PTPRD: variants seen among roughly 807,000 people sequenced by gnomAD.
PTPRD encodes the protein protein tyrosine phosphatase receptor type D, also known as receptor-type tyrosine-protein phosphatase delta.
PTPRD carries 34 observed loss-of-function variants against 214.5 expected under a neutral mutation model. That is an observed-to-expected ratio of 0.16 (90% confidence interval 0.12 to 0.21). PTPRD has a LOEUF of 0.21. PTPRD is among the 10% of genes least tolerant of loss of function. PTPRD has a pLI of 1.00. For missense variants in PTPRD, 2,545 were observed against 2,398.7 expected, an observed-to-expected ratio of 1.06 and a Z score of -1.27; for synonymous variants, 1,128 against 845.7, an observed-to-expected ratio of 1.33 and a Z score of -5.79.
At chr9:10,544,380 G>A (rs910701371) in intron 2 of PTPRD, among the ~76,000 whole-genome samples, 4 of 151,964 alleles carry the variant, frequency 2.6e-5, no homozygotes, top group African/African-American at 7.2e-5. Context: ...ACAGCTTATC[G>A]GCATACTACT....
At chr9:8,690,409 C>T (rs1308271941) in intron 12 of PTPRD, among the ~76,000 whole-genome samples, 1 of 151,694 alleles carries the variant, frequency 6.6e-6, no homozygotes, top group Non-Finnish European at 1.5e-5. Flanking sequence ...TGCCTGTAGT[C>T]CCAGCTACTT....
At position 8,485,241 on chromosome 9, in the gene PTPRD, C is replaced by T. The variant is rs1168709750; in HGVS notation, c.3139G>A (p.Ala1047Thr). 9 of 1,613,586 alleles carry T rather than the reference C, an allele frequency of 5.6e-6. No homozygotes were observed. The highest frequency in any genetic ancestry group is 2.2e-5 in the East Asian group (1 of 44,848). ...AAACAACTTACTTTGAAAGGCATGG[C>T]GGAGTTATAATTCTCTGGAATCTCC... ...SWEIPENYNS[A>T]MPFKILYDDG... The change falls in exon 29 of 46, where the codon GCC becomes ACC. Residue 1047 changes from alanine to threonine, a missense_variant. Physicochemically the swap from Ala to Thr is moderately conservative, Grantham distance 58 (BLOSUM62 0). Coordinates refer to ENST00000381196, the MANE Select transcript of PTPRD (RefSeq NM_002839.4).
chr9:9,178,235 C>T (rs1395528715), intron 10 of PTPRD, among the ~76,000 whole-genome samples: 1 of 151,816 alleles, frequency 6.6e-6, no homozygotes, highest in East Asian at 1.9e-4. Flanking sequence ...TGAACTGTGA[C>T]CTCCCTTAGT....
Position 9,455,851 on chromosome 9 carries a change from A to C in PTPRD, c.-236-58369T>G, listed in dbSNP as rs191758187. On this transcript the variant is annotated intron_variant, in intron 8 of 45. Coordinates refer to ENST00000381196, the MANE Select transcript of PTPRD (RefSeq NM_002839.4). ...GAATAAGCAAACACAAATGGATGCT[A>C]CTAGAGCAGGGAAAGAGGGACCACA... Among the ~76,000 whole-genome samples the C allele has an allele frequency of 4.5e-3, 676 of 151,890 alleles. 4 individuals carry two copies. Among genetic ancestry groups the C allele is most frequent in the African/African-American group, 0.014 (602 of 41,536 alleles).
At chr9:9,683,776 TATGTA>T (rs1427520200) in intron 7 of PTPRD, among the ~76,000 whole-genome samples, 1 of 151,746 alleles carries the variant, frequency 6.6e-6, no homozygotes, top group African/African-American at 2.4e-5. Flanking sequence ...GAGATATAAT[TATGTA>T]ATGTATAATT....
chr9:9,313,501 G>C lies in PTPRD; in HGVS notation c.-203+83948C>G, dbSNP rs182878172. The stretch of plus-strand genomic sequence containing the variant: ...ACCCAGCAAAAGGTTGAGAGATCCT[G>C]GTAGGAATCATCTAATGATGAAATC... On this transcript the variant is annotated intron_variant, in intron 9 of 45. Coordinates refer to ENST00000381196, the MANE Select transcript of PTPRD (RefSeq NM_002839.4). Among the ~76,000 whole-genome samples the C allele has an allele frequency of 2.8e-3, 425 of 152,202 alleles. 1 individual carries two copies. Among genetic ancestry groups the C allele is most frequent in the African/African-American group, 9.7e-3 (404 of 41,540 alleles).
chr9:10,359,397 T>A (rs916869464), intron 2 of PTPRD, among the ~76,000 whole-genome samples: 1 of 152,190 alleles, frequency 6.6e-6, no homozygotes, highest in Non-Finnish European at 1.5e-5. Context: ...TATTATTACA[T>A]CTTTAAGTTG....
At chr9:9,127,634 C>T (rs1321840246) in intron 10 of PTPRD, among the ~76,000 whole-genome samples, 2 of 152,142 alleles carry the variant, frequency 1.3e-5, no homozygotes, top group East Asian at 1.9e-4. Context: ...GTCTATACCA[C>T]ATTCAGATAT....
chr9:10,107,033 T>C (rs941111865), intron 3 of PTPRD, among the ~76,000 whole-genome samples: 9 of 151,960 alleles, frequency 5.9e-5, no homozygotes, highest in Non-Finnish European at 1.0e-4. Flanking sequence ...GATGACACTA[T>C]GGGCTTGAGC....
chr9:10,241,070 A>T (rs1218987107), intron 3 of PTPRD, among the ~76,000 whole-genome samples: 1 of 151,862 alleles, frequency 6.6e-6, no homozygotes, highest in Admixed American at 6.6e-5. Flanking sequence ...AAATATCTAT[A>T]TGGATTACAA....
chr9:9,840,804 A>C (rs938627781), intron 5 of PTPRD, among the ~76,000 whole-genome samples: 15 of 146,028 alleles, frequency 1.0e-4, no homozygotes, highest in Admixed American at 3.5e-4. Flanking sequence ...AAAAAACAGA[A>C]AGGGGAAGGG....
intron 4 of PTPRD, among the ~76,000 whole-genome samples, chr9:10,001,237 T>C (rs1439417950): frequency 2.0e-5 from 3 of 151,658 alleles, no homozygotes; most frequent in Non-Finnish European, 4.4e-5. Flanking sequence ...AGCAGAAAGA[T>C]AAAGAATAAA....
chr9:9,245,120 T>C (rs953040600), intron 9 of PTPRD, among the ~76,000 whole-genome samples: 1 of 152,132 alleles, frequency 6.6e-6, no homozygotes, highest in Non-Finnish European at 1.5e-5. Context: ...TGGCAATCAT[T>C]AAAATGTCAG....
At chr9:9,434,310 A>G (rs915858793) in intron 8 of PTPRD, among the ~76,000 whole-genome samples, 1 of 152,140 alleles carries the variant, frequency 6.6e-6, no homozygotes, top group Non-Finnish European at 1.5e-5. Context: ...TTAACCAGGG[A>G]GGTGAAGTAT....
At chr9:9,430,655 C>G (rs2082731467) in intron 8 of PTPRD, among the ~76,000 whole-genome samples, 1 of 152,176 alleles carries the variant, frequency 6.6e-6, no homozygotes, top group Admixed American at 6.5e-5. Flanking sequence ...TCAAACTATA[C>G]TACAATGCTA....
At chr9:8,986,440 T>C (rs950224213) in intron 11 of PTPRD, among the ~76,000 whole-genome samples, 1 of 151,872 alleles carries the variant, frequency 6.6e-6, no homozygotes, top group African/African-American at 2.4e-5. Context: ...TTTTAAAATA[T>C]ATATATTATA....
At chr9:9,729,014 G>T (rs1189779490) in intron 7 of PTPRD, among the ~76,000 whole-genome samples, 1 of 152,036 alleles carries the variant, frequency 6.6e-6, no homozygotes, top group Non-Finnish European at 1.5e-5. Context: ...AGTCAGGAGA[G>T]AATTATTTCA....
chr9:8,567,496 C>G (rs915179372), intron 14 of PTPRD, among the ~76,000 whole-genome samples: 1 of 152,154 alleles, frequency 6.6e-6, no homozygotes, highest in East Asian at 1.9e-4. Flanking sequence ...TGGGAAAGCA[C>G]GTCTTCTCAC....
At chr9:8,512,905 T>C (rs1030142545) in intron 21 of PTPRD, among the ~76,000 whole-genome samples, 5 of 151,940 alleles carry the variant, frequency 3.3e-5, no homozygotes, top group African/African-American at 9.7e-5. Flanking sequence ...TTTGTCAGAG[T>C]TTTATTTCTA....
Sources: gnomAD v4.1 joint callset for allele counts (sites outside exome capture counted in the v4.1 genomes callset) on GRCh38, gnomAD v4.1.1 for gene constraint, MANE v1.5 for transcripts, NCBI Gene and HGNC (gene_info 2026-07-23, HGNC 2026-07-21) for gene names.